Variants in CPQ observed in about 807,000 individuals in gnomAD.
The protein encoded by CPQ is Ser-Met dipeptidase.
In CPQ, 37 loss-of-function variants were observed where a neutral mutation model predicts 45.7. That is an observed-to-expected ratio of 0.81 (90% CI 0.62 to 1.07). The LOEUF (loss-of-function observed/expected upper bound fraction) is 1.07, where lower values mean the gene tolerates loss of function less well. CPQ is among the 50% of genes least tolerant of loss of function. The probability of loss-of-function intolerance (pLI) is 0.00; values close to 1 mark genes in which losing one functional copy is unlikely to be tolerated. For synonymous variants in CPQ, 186 were observed against 205.8 expected (o/e 0.90, Z 0.82); for missense variants, 537 against 572.9 (o/e 0.94, Z 0.64).
intron 1 of CPQ, among the ~76,000 whole-genome samples, chr8:96,666,428 C>T (rs2464480): frequency 0.68 from 103,873 of 152,002 alleles, 36,136 homozygotes; most frequent in Middle Eastern, 0.83. Context: ...TGTATACCAA[C>T]GCCAGGAAAG....
intron 1 of CPQ, among the ~76,000 whole-genome samples, chr8:96,759,233 T>C (rs1810366978): frequency 6.6e-6 from 1 of 152,174 alleles, no homozygotes; most frequent in South Asian, 2.1e-4. Flanking sequence ...ACCTTTCATC[T>C]GCTTTCAGGA....
intron 1 of CPQ, among the ~76,000 whole-genome samples, chr8:96,660,405 C>T (rs966935623): frequency 6.6e-6 from 1 of 152,140 alleles, no homozygotes; most frequent in Non-Finnish European, 1.5e-5. Flanking sequence ...CTTTCAAAGC[C>T]CCATTTTCAA....
chr8:96,698,361 A>C (rs1025850534), intron 1 of CPQ, among the ~76,000 whole-genome samples: 5 of 152,218 alleles, frequency 3.3e-5, no homozygotes, highest in Non-Finnish European at 7.3e-5. Flanking sequence ...AATGGATTAA[A>C]GACTTAAATC....
intron 1 of CPQ, among the ~76,000 whole-genome samples, chr8:96,710,889 G>A (rs2704241): frequency 0.036 from 5,528 of 151,664 alleles, 124 homozygotes; most frequent in East Asian, 0.085. Context: ...ATTAAGTCCG[G>A]TGTTTCTTTG....
intron 1 of CPQ, among the ~76,000 whole-genome samples, chr8:96,651,632 A>G (rs1815577389): frequency 1.3e-5 from 2 of 152,182 alleles, no homozygotes; most frequent in Non-Finnish European, 2.9e-5. Flanking sequence ...ACAAGATTTG[A>G]ATAATATAAC....
chr8:96,880,518 CATATATATATATATAT>C (rs200512558), intron 4 of CPQ, among the ~76,000 whole-genome samples: 1,193 of 97,086 alleles, frequency 0.012, 27 homozygotes, highest in Admixed American at 0.013. Context: ...AATATATGGT[CATATATATATATATAT>C]ATATATATAT....
chr8:97,107,557 C>A (rs184778593), intron 7 of CPQ, among the ~76,000 whole-genome samples: 1 of 152,338 alleles, frequency 6.6e-6, no homozygotes, highest in Admixed American at 6.5e-5. Flanking sequence ...GGACTATGAA[C>A]ACCCTGTAAG....
chr8:96,925,170 A>G (rs1012202378), intron 4 of CPQ, among the ~76,000 whole-genome samples: 7 of 152,194 alleles, frequency 4.6e-5, no homozygotes, highest in Admixed American at 2.6e-4. Context: ...AGAATGCAAG[A>G]ATGCCTCTCT....
chr8:96,847,943 T>G (rs1275446604), intron 3 of CPQ, among the ~76,000 whole-genome samples: 1 of 149,472 alleles, frequency 6.7e-6, no homozygotes, highest in Admixed American at 6.7e-5. Flanking sequence ...CAATATAGGT[T>G]TGCAGAGGCC....
At chr8:97,122,702 A>G (rs1418281445) in intron 7 of CPQ, among the ~76,000 whole-genome samples, 1 of 151,452 alleles carries the variant, frequency 6.6e-6, no homozygotes, top group Non-Finnish European at 1.5e-5. Flanking sequence ...CTGACCAACA[A>G]GCTGAAATCG....
chr8:96,712,454 C>T (rs1010499016), intron 1 of CPQ, among the ~76,000 whole-genome samples: 2 of 152,162 alleles, frequency 1.3e-5, no homozygotes, highest in Non-Finnish European at 2.9e-5. Flanking sequence ...AAGCAGCAAA[C>T]GTCTGCCTGG....
intron 4 of CPQ, among the ~76,000 whole-genome samples, chr8:96,943,839 G>A (rs534882607): frequency 3.9e-5 from 6 of 152,160 alleles, no homozygotes; most frequent in African/African-American, 4.8e-5. Flanking sequence ...GACTCTTATC[G>A]TCACTCAGGG....
At chr8:96,755,077 A>G (rs1275872105) in intron 1 of CPQ, among the ~76,000 whole-genome samples, 1 of 151,638 alleles carries the variant, frequency 6.6e-6, no homozygotes, top group Non-Finnish European at 1.5e-5. Flanking sequence ...TAGCTTCTTG[A>G]ATTGATTGAA....
At chr8:96,747,515 G>A (rs1810206308) in intron 1 of CPQ, among the ~76,000 whole-genome samples, 1 of 152,182 alleles carries the variant, frequency 6.6e-6, no homozygotes, top group South Asian at 2.1e-4. Flanking sequence ...TGACTCTATA[G>A]ATTGGATATT....
chr8:97,087,453 G>A (rs544499612), intron 7 of CPQ, among the ~76,000 whole-genome samples: 87 of 152,168 alleles, frequency 5.7e-4, no homozygotes, highest in African/African-American at 2.0e-3. Flanking sequence ...TTCTTCCATA[G>A]CAAGTCATCA....
chr8:97,026,425 T>C (rs1280956810), intron 5 of CPQ, among the ~76,000 whole-genome samples: 1 of 152,140 alleles, frequency 6.6e-6, no homozygotes, highest in Non-Finnish European at 1.5e-5. Flanking sequence ...CCACAGCCAA[T>C]GCCTTTCTGT....
intron 6 of CPQ, among the ~76,000 whole-genome samples, chr8:97,061,550 G>A (rs1273563265): frequency 6.6e-6 from 1 of 152,052 alleles, no homozygotes; most frequent in African/African-American, 2.4e-5. Flanking sequence ...GTAACCGTGG[G>A]AAAGTTAGTC....
chr8:97,135,040 T>C (rs552273016), intron 7 of CPQ, among the ~76,000 whole-genome samples: 31 of 152,316 alleles, frequency 2.0e-4, no homozygotes, highest in Admixed American at 6.5e-4. Context: ...ACAGTTCAGA[T>C]ACTGTGGGAC....
At chr8:96,660,574 T>C (rs1250185847) in intron 1 of CPQ, among the ~76,000 whole-genome samples, 2 of 151,958 alleles carry the variant, frequency 1.3e-5, no homozygotes, top group African/African-American at 4.8e-5. Context: ...GATTTGGGGG[T>C]CTCACCCAAC....
Sources: gnomAD v4.1 joint callset for allele counts (sites outside exome capture counted in the v4.1 genomes callset) on GRCh38, gnomAD v4.1.1 for gene constraint, MANE v1.5 for transcripts, NCBI Gene and HGNC (gene_info 2026-07-23, HGNC 2026-07-21) for gene names.